The following DCDC2 variants were observed in gnomAD, a reference collection of about 807,000 sequenced individuals.
DCDC2 encodes doublecortin domain-containing protein 2.
A neutral mutation model predicts 50.2 loss-of-function variants in DCDC2; 40 were observed. That is an observed-to-expected ratio of 0.80 (90% CI 0.62 to 1.04). DCDC2 has a LOEUF of 1.04. Among genes scored for constraint, DCDC2 ranks in the 50% least tolerant of loss-of-function variants. The pLI, the probability that DCDC2 is intolerant of heterozygous loss-of-function variation, is 0.00. For missense variants in DCDC2, 570 were observed against 581.9 expected (o/e 0.98, Z 0.21); for synonymous variants, 234 against 210.6 (o/e 1.11, Z -0.96).
the DCDC2 span, among the ~76,000 whole-genome samples, chr6:24,374,460 A>C: frequency 1.7e-3 from 251 of 150,954 alleles, no homozygotes; most frequent in African/African-American, 5.4e-3. Context: ...CACATCTGTA[A>C]TCCCAGCTAC....
chr6:24,372,391 C>T, the DCDC2 span, among the ~76,000 whole-genome samples: 1 of 151,772 alleles, frequency 6.6e-6, no homozygotes, highest in Non-Finnish European at 1.5e-5. Context: ...TGCACTCCAG[C>T]CTCGGAGAGA....
At chr6:24,235,109 A>AT (rs1184883845) in intron 7 of DCDC2, among the ~76,000 whole-genome samples, 7 of 152,216 alleles carry the variant, frequency 4.6e-5, no homozygotes, top group Middle Eastern at 3.2e-3. Flanking sequence ...GTAGCACTTA[A>AT]TTTAGCTATA....
chr6:24,194,224 C>T (rs1460311167), intron 8 of DCDC2, among the ~76,000 whole-genome samples: 1 of 151,972 alleles, frequency 6.6e-6, no homozygotes, highest in Non-Finnish European at 1.5e-5. Context: ...CTTTGTTGAA[C>T]TGATTGACTT....
intron 2 of DCDC2, among the ~76,000 whole-genome samples, chr6:24,330,437 C>T (rs1365087930): frequency 6.6e-6 from 1 of 152,168 alleles, no homozygotes; most frequent in Non-Finnish European, 1.5e-5. Context: ...ATTGTACAAA[C>T]ATATTGTTTG....
intron 2 of DCDC2, among the ~76,000 whole-genome samples, chr6:24,314,044 A>C (rs1276376166): frequency 2.0e-5 from 3 of 152,228 alleles, no homozygotes; most frequent in Non-Finnish European, 4.4e-5. Context: ...AATATGGGTG[A>C]CTTGCATACT....
chr6:24,182,358 AG>A (rs1414666087), intron 8 of DCDC2, among the ~76,000 whole-genome samples: 1 of 152,172 alleles, frequency 6.6e-6, no homozygotes, highest in Non-Finnish European at 1.5e-5. Context: ...CAATACCAAC[AG>A]AGTAAAAAGG....
chr6:24,287,349 TTA>T (rs778112407), intron 6 of DCDC2, among the ~76,000 whole-genome samples: 7 of 90,888 alleles, frequency 7.7e-5, no homozygotes, highest in Non-Finnish European at 1.3e-4. Flanking sequence ...GTATTGTATT[TTA>T]TGTTATTTTG....
At chr6:24,244,765 C>T (rs1762635475) in intron 7 of DCDC2, among the ~76,000 whole-genome samples, 2 of 152,334 alleles carry the variant, frequency 1.3e-5, no homozygotes, top group African/African-American at 2.4e-5. Context: ...ACATTCTTTC[C>T]TCCACGTGAA....
At chr6:24,317,755 A>G (rs551174706) in intron 2 of DCDC2, among the ~76,000 whole-genome samples, 45 of 152,060 alleles carry the variant, frequency 3.0e-4, no homozygotes, top group African/African-American at 1.0e-3. Flanking sequence ...TCAGAGATAA[A>G]GCATAAATAT....
At chr6:24,301,580 G>T in intron 4 of DCDC2, 135 bp downstream of exon 4, 1 of 966,664 alleles carries the variant, frequency 1.0e-6, no homozygotes, top group African/African-American at 1.6e-5. Context: ...CCATTCTACA[G>T]ATAAAGAAAC....
At chr6:24,189,837 G>C (rs1331714077) in intron 8 of DCDC2, among the ~76,000 whole-genome samples, 1 of 152,030 alleles carries the variant, frequency 6.6e-6, no homozygotes, top group Non-Finnish European at 1.5e-5. Flanking sequence ...GAAAGTGTGT[G>C]GATTTGTTAC....
At chr6:24,358,705 T>TA (rs1378043375), upstream of DCDC2, among the ~76,000 whole-genome samples, 12 of 107,544 alleles carry the variant, frequency 1.1e-4, no homozygotes, top group African/African-American at 4.4e-4. Context: ...TATATTTTTT[T>TA]TATATATATA....
intron 7 of DCDC2, among the ~76,000 whole-genome samples, chr6:24,227,528 C>G (rs2113780393): frequency 6.6e-6 from 1 of 152,326 alleles, no homozygotes; most frequent in South Asian, 2.1e-4. Context: ...GTGGAGCACC[C>G]TGAGGGTTAA....
chr6:24,180,047 A>ACC (rs1761032304), intron 8 of DCDC2, among the ~76,000 whole-genome samples: 1 of 151,692 alleles, frequency 6.6e-6, no homozygotes, highest in South Asian at 2.1e-4. Flanking sequence ...TCAAGTCCTG[A>ACC]CCAGGCACTT....
intron 6 of DCDC2, among the ~76,000 whole-genome samples, chr6:24,281,255 C>T (rs538311945): frequency 6.6e-6 from 1 of 152,152 alleles, no homozygotes; most frequent in East Asian, 1.9e-4. Context: ...GTAATAACTA[C>T]TTTCCAGGAA....
At chr6:24,250,496 G>A (rs1762774171) in intron 7 of DCDC2, among the ~76,000 whole-genome samples, 1 of 152,164 alleles carries the variant, frequency 6.6e-6, no homozygotes, top group African/African-American at 2.4e-5. Flanking sequence ...TGAAAAATAT[G>A]TTCTGAACAT....
At chr6:24,360,216 T>C (rs555314975), upstream of DCDC2, among the ~76,000 whole-genome samples, 21 of 152,298 alleles carry the variant, frequency 1.4e-4, no homozygotes, top group South Asian at 1.9e-3. Flanking sequence ...TGCGCCTGGC[T>C]CCTTGGGATA....
the DCDC2 span, among the ~76,000 whole-genome samples, chr6:24,364,973 C>T: frequency 6.6e-6 from 1 of 152,168 alleles, no homozygotes; most frequent in Non-Finnish European, 1.5e-5. Flanking sequence ...GTTTTCACAT[C>T]TTAGCCTCAA....
At chr6:24,223,732 CT>C (rs1762165572) in intron 7 of DCDC2, among the ~76,000 whole-genome samples, 1 of 152,204 alleles carries the variant, frequency 6.6e-6, no homozygotes, top group Admixed American at 6.5e-5. Context: ...GCCAACCAGT[CT>C]TTATAAATTA....
Sources: allele counts gnomAD v4.1 joint callset (sites outside exome capture counted in the v4.1 genomes callset), GRCh38; gene constraint gnomAD v4.1.1; transcripts MANE v1.5; gene names NCBI Gene and HGNC (gene_info 2026-07-23, HGNC 2026-07-21).